ENPP2: variants seen among roughly 807,000 people sequenced by gnomAD.
ENPP2 encodes the protein ectonucleotide pyrophosphatase/phosphodiesterase 2, also known as autotaxin.
In ENPP2, 51 loss-of-function variants were observed where a neutral mutation model predicts 120.2. That is an observed-to-expected ratio of 0.42 (90% CI 0.34 to 0.54). The LOEUF (loss-of-function observed/expected upper bound fraction) is 0.54. Ranked by LOEUF, ENPP2 falls within the 20% of genes least tolerant of loss-of-function variation. The probability of loss-of-function intolerance (pLI) is 0.04; values close to 1 mark genes in which losing one functional copy is unlikely to be tolerated. For synonymous variants in ENPP2, 365 were observed against 366.4 expected (o/e 1.00, Z 0.04); for missense variants, 920 against 1,066.5 (o/e 0.86, Z 1.91).
At chr8:119,599,794 T>C (rs935886003) in intron 11 of ENPP2, among the ~76,000 whole-genome samples, 4 of 152,058 alleles carry the variant, frequency 2.6e-5, no homozygotes, top group Non-Finnish European at 5.9e-5. Context: ...TCACCTGAGG[T>C]CAGGAGTTAG....
In ENPP2 at chr8:119,619,258, T is replaced by C; in HGVS notation, c.465A>G (p.Ala155=). ...AATACACTTACCCTGCAGGGCATTC[T>C]GCGGCCTTTATTTCCTCACAGTCAT... ...VDDDCEEIKA[A]ECPAGFVRPP... is the part of the protein sequence containing the mutation. The change falls in exon 5 of 25, where the codon GCA becomes GCG. Residue 155 remains alanine, a synonymous_variant. Transcript: ENST00000075322. The C allele has an allele frequency of 6.2e-7, 1 of 1,612,006 alleles. No homozygotes were observed. Among genetic ancestry groups the C allele is most frequent in the Non-Finnish European group, 8.5e-7 (1 of 1,178,170 alleles).
intron 11 of ENPP2, 115 bp from the exon 12 acceptor site, chr8:119,593,975 G>A (rs1813717436): frequency 1.4e-6 from 1 of 711,372 alleles, no homozygotes; most frequent in Admixed American, 2.1e-5. Flanking sequence ...CCCAGAGGCA[G>A]AGCTTTGTCT....
chr8:119,669,578 C>T (rs1256772523), intron 1 of ENPP2, among the ~76,000 whole-genome samples: 5 of 152,166 alleles, frequency 3.3e-5, no homozygotes, highest in African/African-American at 7.2e-5. Context: ...CTCCACTATT[C>T]GCCACCTACT....
chr8:119,607,166 C>G (rs1814776435), intron 9 of ENPP2, among the ~76,000 whole-genome samples: 1 of 152,086 alleles, frequency 6.6e-6, no homozygotes, highest in African/African-American at 2.4e-5. Context: ...CTTCGGCTCC[C>G]CAGAGGCCTG....
chr8:119,635,065 C>A (rs1816917817), intron 2 of ENPP2, among the ~76,000 whole-genome samples: 1 of 152,120 alleles, frequency 6.6e-6, no homozygotes. Flanking sequence ...ATCTACGTCC[C>A]CTTTACAGTT....
Position 119,561,814 on chromosome 8 carries a change from T to TG in ENPP2, c.2421+1042_2421+1043insC, listed in dbSNP as rs1491253674. ...GTGTGTGTGTGTGTGTGTGTGTGTG[T>TG]TTGTGTGTGTGTGTGTATGTGTGTG... On this transcript the variant is annotated intron_variant, in intron 24 of 24. Transcript: ENST00000075322. Among the ~76,000 whole-genome samples the TG allele has an allele frequency of 3.4e-4, 51 of 151,164 alleles. 1 individual carries two copies. The East Asian group carries it at 4.3e-3, about 13-fold the overall frequency.
chr8:119,616,365 T>C lies in ENPP2; in HGVS notation c.677A>G (p.His226Arg). Residue 226 changes from histidine to arginine, a missense_variant, in exon 8 of 25, where the codon CAT (histidine) becomes CGT (arginine). Coordinates refer to ENST00000075322, the MANE Select transcript of ENPP2 (RefSeq NM_001040092.3). ...ATACATTGAATTGCCAACAATTCCA[T>C]GTGATTCTGGATATAGCCCCTTTTT... ...TLATGLYPES[H>R]GIVGNSMYDP... is the part of the protein sequence containing the mutation. 1 of 1,606,270 alleles carries C rather than the reference T, an allele frequency of 6.2e-7. No individual in the cohort carries two copies. The highest frequency in any genetic ancestry group is 8.5e-7 in the Non-Finnish European group (1 of 1,174,244).
At chr8:119,654,853 A>G (rs1817724690) in intron 1 of ENPP2, among the ~76,000 whole-genome samples, 1 of 152,202 alleles carries the variant, frequency 6.6e-6, no homozygotes, top group African/African-American at 2.4e-5. Flanking sequence ...AACTCTAAGC[A>G]TCTACTATTT....
rs531189661 is a variant in ENPP2, at chr8:119,615,794, G to A, written c.777+471C>T. Among the ~76,000 whole-genome samples the A allele has an allele frequency of 3.7e-4, 56 of 151,746 alleles. 1 individual carries two copies. The highest frequency in any genetic ancestry group is 2.8e-3 in the Admixed American group (43 of 15,258). ...CATACACTTCTCTTTTTTATTATAC[G>A]CCTAAATCTGGGAAATCAATGAGAT... On this transcript the variant is annotated intron_variant, in intron 8 of 24. Transcript: ENST00000075322.
intron 1 of ENPP2, among the ~76,000 whole-genome samples, chr8:119,660,831 A>G (rs771228334): frequency 1.3e-5 from 2 of 152,180 alleles, no homozygotes; most frequent in Non-Finnish European, 2.9e-5. Flanking sequence ...AACTGTATGG[A>G]AACAAATTGG....
chr8:119,558,729 G>A (rs1413024651), intron 24 of ENPP2, among the ~76,000 whole-genome samples: 1 of 151,892 alleles, frequency 6.6e-6, no homozygotes, highest in Non-Finnish European at 1.5e-5. Flanking sequence ...CAGGACCTTT[G>A]CAAGTAATTC....
chr8:119,598,041 T>G (rs1043847127), intron 11 of ENPP2, among the ~76,000 whole-genome samples: 5 of 152,220 alleles, frequency 3.3e-5, no homozygotes, highest in African/African-American at 1.2e-4. Flanking sequence ...AATCTTTTCA[T>G]GTATAATAAG....
intron 1 of ENPP2, among the ~76,000 whole-genome samples, chr8:119,667,854 G>C (rs1367500406): frequency 2.6e-5 from 4 of 152,192 alleles, no homozygotes; most frequent in Non-Finnish European, 5.9e-5. Flanking sequence ...AAGTAGGACA[G>C]TGTCATGCCA....
At chr8:119,586,745 G>T (rs1296621499) in intron 14 of ENPP2, among the ~76,000 whole-genome samples, 1 of 152,082 alleles carries the variant, frequency 6.6e-6, no homozygotes, top group African/African-American at 2.4e-5. Flanking sequence ...AGAGTGGGTG[G>T]GCAGTTCTGG....
chr8:119,617,641 G>C, intron 5 of ENPP2, 78 bp from the exon 6 acceptor site: 1 of 1,005,388 alleles, frequency 9.9e-7, no homozygotes, highest in Non-Finnish European at 1.5e-6. Flanking sequence ...TCAATAATGG[G>C]AGCAATAATT....
At chr8:119,577,986 TAAG>T (rs1812462037) in intron 19 of ENPP2, among the ~76,000 whole-genome samples, 1 of 152,192 alleles carries the variant, frequency 6.6e-6, no homozygotes, top group Non-Finnish European at 1.5e-5. Context: ...AGTGATTCAC[TAAG>T]AAGATGTGTC....
rs1365696915 is a variant in ENPP2, at chr8:119,564,918, T to C, written c.2169A>G (p.Lys723=). The C allele has an allele frequency of 6.2e-7, 1 of 1,613,480 alleles. No homozygotes were observed. The highest frequency in any genetic ancestry group is 1.3e-5 in the African/African-American group (1 of 74,884). ...WNYFQRVLVK[K]YASERNGVNV... ...TAACTCCATTTCTTTCCGAAGCATATTTCTTCACCAATACCCTTTGGAAAT... is the reference window on the plus strand; with the variant it reads ...TAACTCCATTTCTTTCCGAAGCATACTTCTTCACCAATACCCTTTGGAAAT... The change falls in exon 23 of 25, where the codon AAA becomes AAG. Residue 723 remains lysine, a synonymous_variant. Transcript: ENST00000075322.
chr8:119,605,256 G>A (rs1814623293), intron 9 of ENPP2, among the ~76,000 whole-genome samples: 1 of 151,840 alleles, frequency 6.6e-6, no homozygotes, highest in South Asian at 2.1e-4. Context: ...ATATTTTGGA[G>A]AGATGGGGTT....
At chr8:119,661,907 A>C (rs547126956) in intron 1 of ENPP2, among the ~76,000 whole-genome samples, 1 of 152,302 alleles carries the variant, frequency 6.6e-6, no homozygotes, top group African/African-American at 2.4e-5. Flanking sequence ...ACTTAATGAA[A>C]TAAGCCAGGC....
Sources: gnomAD v4.1 joint callset for allele counts (sites outside exome capture counted in the v4.1 genomes callset) on GRCh38, gnomAD v4.1.1 for gene constraint, MANE v1.5 for transcripts, NCBI Gene and HGNC (gene_info 2026-07-23, HGNC 2026-07-21) for gene names.